The following TAFA1 variants were observed in gnomAD, a reference collection of about 807,000 sequenced individuals.
TAFA1 encodes TAFA chemokine like family member 1.
TAFA1 carries 4 observed loss-of-function variants against 18.5 expected under a neutral mutation model. The observed-to-expected ratio is 0.22, with a 90% confidence interval of 0.11 to 0.49. The LOEUF is 0.49. Among genes scored for constraint, TAFA1 ranks in the 20% least tolerant of loss-of-function variants. TAFA1 has a pLI of 0.98. For synonymous variants in TAFA1, 56 were observed against 55.2 expected (o/e 1.01, Z -0.06); for missense variants, 147 against 169.0 (o/e 0.87, Z 0.72).
intron 3 of TAFA1, among the ~76,000 whole-genome samples, chr3:68,518,110 T>G (rs2072953517): frequency 6.6e-6 from 1 of 152,230 alleles, no homozygotes; most frequent in Non-Finnish European, 1.5e-5. Flanking sequence ...CCTTTAGCAC[T>G]CATTGCAGAC....
intron 3 of TAFA1, among the ~76,000 whole-genome samples, chr3:68,456,799 C>A (rs1226206387): frequency 6.6e-6 from 1 of 152,112 alleles, no homozygotes; most frequent in East Asian, 1.9e-4. Flanking sequence ...TCTTTTTTTA[C>A]AATGGTCCTT....
chr3:68,412,322 A>T (rs1411244668), intron 2 of TAFA1, among the ~76,000 whole-genome samples: 1 of 150,308 alleles, frequency 6.7e-6, no homozygotes, highest in Non-Finnish European at 1.5e-5. Flanking sequence ...GCTAGGTAAA[A>T]CATGGGCAAG....
Position 68,264,163 on chromosome 3 carries a change from G to A in TAFA1, c.119-153117G>A, listed in dbSNP as rs112851680. Among the ~76,000 whole-genome samples the A allele has an allele frequency of 0.012, 1,884 of 152,112 alleles. 77 individuals carry two copies. In the East Asian group the frequency reaches 0.13, roughly 11 times the overall value. On this transcript the variant is annotated intron_variant, in intron 2 of 4. Transcript: ENST00000478136. ...TAGGCACCTGTAATCCCAGCGATTC[G>A]GGAGGCTGAGGCTTGAGAATCACTT...
At chr3:68,260,868 T>A (rs1207810164) in intron 2 of TAFA1, among the ~76,000 whole-genome samples, 1 of 152,076 alleles carries the variant, frequency 6.6e-6, no homozygotes, top group Non-Finnish European at 1.5e-5. Flanking sequence ...GGGCAAGGAC[T>A]TCATGTCTAA....
intron 2 of TAFA1, among the ~76,000 whole-genome samples, chr3:68,132,842 T>C (rs2065559745): frequency 7.6e-6 from 1 of 131,790 alleles, no homozygotes; most frequent in Non-Finnish European, 1.7e-5. Flanking sequence ...TTCATGCTGA[T>C]GATAATTTAT....
chr3:68,020,426 A>G (rs1170730582), intron 2 of TAFA1, among the ~76,000 whole-genome samples: 1 of 152,092 alleles, frequency 6.6e-6, no homozygotes, highest in East Asian at 1.9e-4. Context: ...GGGGTTTGTA[A>G]AACCCCTACC....
At chr3:68,312,854 A>C (rs111709670) in intron 2 of TAFA1, among the ~76,000 whole-genome samples, 3,938 of 152,318 alleles carry the variant, frequency 0.026, 90 homozygotes, top group East Asian at 0.098. Flanking sequence ...CTGCTGATGA[A>C]GACATACCTG....
At chr3:68,212,342 TA>T (rs2107070175) in intron 2 of TAFA1, among the ~76,000 whole-genome samples, 1 of 152,134 alleles carries the variant, frequency 6.6e-6, no homozygotes, top group South Asian at 2.1e-4. Context: ...GAGTCACTTC[TA>T]AATTTAATGG....
intron 2 of TAFA1, among the ~76,000 whole-genome samples, chr3:68,288,264 G>C (rs1487086946): frequency 1.3e-5 from 2 of 152,172 alleles, no homozygotes; most frequent in African/African-American, 4.8e-5. Flanking sequence ...AGGCCCACGT[G>C]GATCCCTGAC....
intron 2 of TAFA1, chr3:68,247,709 A>G (rs915689753): frequency 6.6e-6 from 1 of 152,256 alleles, no homozygotes; most frequent in Non-Finnish European, 1.5e-5. Flanking sequence ...AAGGAATATC[A>G]TAAGTATATA....
intron 2 of TAFA1, among the ~76,000 whole-genome samples, chr3:68,375,431 A>G (rs1434289990): frequency 1.3e-5 from 2 of 152,218 alleles, no homozygotes; most frequent in Admixed American, 6.5e-5. Context: ...ATATTGGCAT[A>G]CTTACTCCAC....
chr3:68,308,514 A>G (rs1250874439), intron 2 of TAFA1, among the ~76,000 whole-genome samples: 8 of 152,278 alleles, frequency 5.3e-5, no homozygotes, highest in Admixed American at 1.3e-4. Context: ...AAAGCTTCTT[A>G]TAAGTACCAC....
chr3:67,999,287 C>CTCTGTGTGTG (rs1297823499), upstream of TAFA1, among the ~76,000 whole-genome samples: 47 of 147,766 alleles, frequency 3.2e-4, no homozygotes, highest in African/African-American at 1.1e-3. Context: ...CCCCCTCTCT[C>CTCTGTGTGTG]TGTGTGTGTG....
At chr3:68,319,424 A>G (rs989120597) in intron 2 of TAFA1, among the ~76,000 whole-genome samples, 6 of 151,834 alleles carry the variant, frequency 4.0e-5, no homozygotes, top group African/African-American at 1.2e-4. Flanking sequence ...GTGGCAGGGA[A>G]GAGGCTTACT....
intron 2 of TAFA1, among the ~76,000 whole-genome samples, chr3:68,346,437 C>G (rs142997989): frequency 0.018 from 2,665 of 152,252 alleles, 33 homozygotes; most frequent in Non-Finnish European, 0.026. Context: ...ACATTACAGG[C>G]AATCTTGTGT....
chr3:68,534,573 T>G (rs1207364409), intron 3 of TAFA1, among the ~76,000 whole-genome samples: 1 of 152,154 alleles, frequency 6.6e-6, no homozygotes, highest in African/African-American at 2.4e-5. Context: ...AAGCAAATCA[T>G]CCAACTCTAT....
chr3:68,082,851 C>T (rs189314763), intron 2 of TAFA1, among the ~76,000 whole-genome samples: 182 of 152,218 alleles, frequency 1.2e-3, no homozygotes, highest in African/African-American at 4.2e-3. Context: ...AGTGGAGCTT[C>T]GGAGCTATCG....
At chr3:68,116,479 G>T (rs74401996) in intron 2 of TAFA1, among the ~76,000 whole-genome samples, 3,136 of 151,990 alleles carry the variant, frequency 0.021, 46 homozygotes, top group Non-Finnish European at 0.031. Context: ...ATTCAACTTC[G>T]CTATTTCTCT....
At chr3:68,535,265 C>T (rs539656384) in intron 3 of TAFA1, among the ~76,000 whole-genome samples, 12 of 152,052 alleles carry the variant, frequency 7.9e-5, no homozygotes, top group African/African-American at 2.9e-4. Flanking sequence ...GTTTTTCTTG[C>T]TTCTCTTATG....
Sources: gnomAD v4.1 joint callset for allele counts (sites outside exome capture counted in the v4.1 genomes callset) on GRCh38, gnomAD v4.1.1 for gene constraint, MANE v1.5 for transcripts, NCBI Gene and HGNC (gene_info 2026-07-23, HGNC 2026-07-21) for gene names.